Variants in CACNA2D3 observed in about 807,000 individuals in gnomAD.
The protein encoded by CACNA2D3 is voltage-dependent calcium channel subunit alpha-2/delta-3.
Under a neutral mutation model 160.6 loss-of-function variants are expected in CACNA2D3, and 60 were observed. That is an observed-to-expected ratio of 0.37 (90% CI 0.30 to 0.46). The LOEUF (loss-of-function observed/expected upper bound fraction) is 0.46. Among genes scored for constraint, CACNA2D3 ranks in the 20% least tolerant of loss-of-function variants. The pLI, the probability that CACNA2D3 is intolerant of heterozygous loss-of-function variation, is 1.00. For synonymous variants in CACNA2D3, 558 were observed against 492.9 expected (o/e 1.13, Z -1.75); for missense variants, 1,205 against 1,365.0 (o/e 0.88, Z 1.85).
intron 2 of CACNA2D3, among the ~76,000 whole-genome samples, chr3:54,143,607 C>A (rs1576955455): frequency 6.6e-6 from 1 of 152,176 alleles, no homozygotes. Context: ...TCACACCATT[C>A]TCCTGCCTCA....
chr3:54,504,170 G>A (rs1346350072), intron 5 of CACNA2D3, among the ~76,000 whole-genome samples: 1 of 152,162 alleles, frequency 6.6e-6, no homozygotes, highest in Non-Finnish European at 1.5e-5. Context: ...GAAACAGCTG[G>A]GGTCTTTTCT....
At chr3:54,136,653 T>G (rs1699820333) in intron 2 of CACNA2D3, among the ~76,000 whole-genome samples, 1 of 152,244 alleles carries the variant, frequency 6.6e-6, no homozygotes. Flanking sequence ...GTCACGCCTC[T>G]GTGCCCATGC....
intron 4 of CACNA2D3, among the ~76,000 whole-genome samples, chr3:54,426,829 A>G (rs1699918305): frequency 6.6e-6 from 1 of 151,746 alleles, no homozygotes; most frequent in South Asian, 2.1e-4. Context: ...GTTGGTGGTG[A>G]TGTCTGTTTG....
rs980979739 is a variant in CACNA2D3 at position 54,869,766 on chromosome 3, C to T, written c.1627-1773C>T. On this transcript the variant is annotated intron_variant, in intron 17 of 37. Coordinates refer to ENST00000474759, the MANE Select transcript of CACNA2D3 (RefSeq NM_018398.3). ...GGCAAGGCACCGCTGCTGACAACTC[C>T]GGTTGACCTCGTTGCTGTTCTTTTC... 2.6e-5 allele frequency among the ~76,000 whole-genome samples: 4 copies of T among 152,204 alleles called. No homozygotes were observed. In the South Asian group the frequency reaches 6.2e-4, roughly 24 times the overall value.
intron 2 of CACNA2D3, among the ~76,000 whole-genome samples, chr3:54,139,410 G>A (rs1576952206): frequency 6.6e-6 from 1 of 152,248 alleles, no homozygotes; most frequent in African/African-American, 2.4e-5. Flanking sequence ...TAGCTGAATG[G>A]CCAAGAGAAG....
chr3:54,768,865 C>A (rs1272804198), intron 13 of CACNA2D3, among the ~76,000 whole-genome samples: 1 of 152,142 alleles, frequency 6.6e-6, no homozygotes, highest in African/African-American at 2.4e-5. Context: ...TGTATCTTTG[C>A]AAATTGCCCT....
chr3:54,902,016 G>A (rs1700344324), intron 27 of CACNA2D3, among the ~76,000 whole-genome samples: 1 of 152,180 alleles, frequency 6.6e-6, no homozygotes, highest in Admixed American at 6.5e-5. Flanking sequence ...CATTTTAATT[G>A]GGGAAGAAGC....
chr3:55,063,272 A>G (rs1169585219), intron 35 of CACNA2D3, among the ~76,000 whole-genome samples: 1 of 152,078 alleles, frequency 6.6e-6, no homozygotes, highest in Non-Finnish European at 1.5e-5. Flanking sequence ...CTGAACAGAA[A>G]CTGGCATTTC....
At chr3:54,221,286 G>A (rs1701565358) in intron 2 of CACNA2D3, among the ~76,000 whole-genome samples, 1 of 152,196 alleles carries the variant, frequency 6.6e-6, no homozygotes, top group Non-Finnish European at 1.5e-5. Context: ...GGGATCGTGG[G>A]AATGGTACCG....
chr3:54,456,822 T>C (rs1184869273), intron 4 of CACNA2D3, among the ~76,000 whole-genome samples: 1 of 151,976 alleles, frequency 6.6e-6, no homozygotes, highest in Non-Finnish European at 1.5e-5. Context: ...CTTGGCAAAA[T>C]CTTTATAAGT....
rs181263907 is a variant in CACNA2D3, at chr3:54,545,224, C to T, written c.545-17576C>T. Among the ~76,000 whole-genome samples, 279 of 152,282 alleles carry T rather than the reference C, an allele frequency of 1.8e-3. 1 individual carries two copies. Among genetic ancestry groups the T allele is most frequent in the Non-Finnish European group, 3.2e-3 (218 of 68,004 alleles). On this transcript the variant is annotated intron_variant, in intron 5 of 37. Coordinates refer to ENST00000474759, the MANE Select transcript of CACNA2D3 (RefSeq NM_018398.3). ...TGAAAATAATAAAGTTTGAACTACT[C>T]AAAATTTTTAAAAATATTTCCAACC...
intron 13 of CACNA2D3, among the ~76,000 whole-genome samples, chr3:54,811,601 G>A (rs139080940): frequency 0.018 from 2,731 of 148,934 alleles, 44 homozygotes; most frequent in Non-Finnish European, 0.028. Context: ...AGGTACAAGC[G>A]ATTCTCCTGC....
intron 2 of CACNA2D3, among the ~76,000 whole-genome samples, chr3:54,215,692 G>C (rs1034585647): frequency 5.9e-5 from 9 of 152,046 alleles, no homozygotes; most frequent in African/African-American, 2.2e-4. Flanking sequence ...CTTAGAACAG[G>C]CTTTCACATG....
intron 33 of CACNA2D3, 95 bp from the exon 34 acceptor site, chr3:55,009,293 T>C: frequency 9.5e-7 from 1 of 1,051,164 alleles, no homozygotes; most frequent in Non-Finnish European, 1.5e-6. Context: ...TGTTCTCAAA[T>C]GAGGTAAGCG....
intron 27 of CACNA2D3, among the ~76,000 whole-genome samples, chr3:54,916,718 G>A (rs987451642): frequency 2.6e-5 from 4 of 152,134 alleles, no homozygotes; most frequent in African/African-American, 7.2e-5. Context: ...AGGTTCACCC[G>A]TTTCCCTGCA....
chr3:54,583,435 A>C (rs1702711340), intron 9 of CACNA2D3, among the ~76,000 whole-genome samples: 1 of 152,212 alleles, frequency 6.6e-6, no homozygotes, highest in African/African-American at 2.4e-5. Flanking sequence ...GCCAATATGG[A>C]GTAACCATAT....
chr3:54,314,348 A>T (rs541965238), intron 2 of CACNA2D3, among the ~76,000 whole-genome samples: 1 of 152,338 alleles, frequency 6.6e-6, no homozygotes, highest in African/African-American at 2.4e-5. Flanking sequence ...CCGATAGCGA[A>T]TTGTGCCACT....
intron 27 of CACNA2D3, among the ~76,000 whole-genome samples, chr3:54,937,021 G>A (rs1307839485): frequency 1.3e-5 from 2 of 152,124 alleles, no homozygotes; most frequent in Non-Finnish European, 2.9e-5. Flanking sequence ...TGTGTGAGGA[G>A]GTGCTAAGGT....
At chr3:54,359,880 A>G (rs533783269) in intron 3 of CACNA2D3, among the ~76,000 whole-genome samples, 1 of 152,186 alleles carries the variant, frequency 6.6e-6, no homozygotes, top group African/African-American at 2.4e-5. Flanking sequence ...TCATGGGGCC[A>G]TCTAAGGTTT....
Sources: allele counts gnomAD v4.1 joint callset (sites outside exome capture counted in the v4.1 genomes callset), GRCh38; gene constraint gnomAD v4.1.1; transcripts MANE v1.5; gene names NCBI Gene and HGNC (gene_info 2026-07-23, HGNC 2026-07-21).